The following P2RY14 variants were observed in gnomAD, a reference collection of about 807,000 sequenced individuals.
P2RY14 encodes the protein P2Y purinoceptor 14.
Under a neutral mutation model 0.9 loss-of-function variants are expected in P2RY14, and 2 were observed. That is an observed-to-expected ratio of 2.16 (90% CI 0.88 to 6.79). The LOEUF (loss-of-function observed/expected upper bound fraction) is 6.79. P2RY14 is among the 30% of genes most tolerant of loss of function. The pLI, the probability that P2RY14 is intolerant of heterozygous loss-of-function variation, is 0.05. For missense variants in P2RY14, 378 were observed against 400.1 expected (o/e 0.94, Z 0.47); for synonymous variants, 158 against 147.2 (o/e 1.07, Z -0.53).
intron 1 of P2RY14, among the ~76,000 whole-genome samples, chr3:151,250,595 G>A (rs559696967): frequency 2.6e-5 from 4 of 152,278 alleles, no homozygotes; most frequent in Non-Finnish European, 5.9e-5. Flanking sequence ...TTTGTAGCAT[G>A]TGACAATTCA....
chr3:151,247,445 A>C (rs1388889350), intron 1 of P2RY14, among the ~76,000 whole-genome samples: 1 of 151,956 alleles, frequency 6.6e-6, no homozygotes, highest in Middle Eastern at 3.2e-3. Flanking sequence ...AAAAATGATG[A>C]GTTCATGTCC....
chr3:151,216,707 G>T (rs774268030), intron 2 of P2RY14, among the ~76,000 whole-genome samples: 2 of 152,000 alleles, frequency 1.3e-5, no homozygotes, highest in Non-Finnish European at 2.9e-5. Context: ...GGGCATGATG[G>T]GTTTGTACTC....
At chr3:151,232,858 A>T (rs931128680) in intron 1 of P2RY14, among the ~76,000 whole-genome samples, 6 of 152,226 alleles carry the variant, frequency 3.9e-5, no homozygotes, top group African/African-American at 1.4e-4. Flanking sequence ...TGACAAAAAA[A>T]TCTGCAACAA....
At chr3:151,220,446 A>G (rs541446549) in intron 1 of P2RY14, among the ~76,000 whole-genome samples, 158 of 152,210 alleles carry the variant, frequency 1.0e-3, no homozygotes, top group Non-Finnish European at 1.8e-3. Flanking sequence ...AGATTCCATT[A>G]TGTCTGGAGT....
chr3:151,251,751 C>T (rs1484816706), intron 1 of P2RY14, among the ~76,000 whole-genome samples: 1 of 152,170 alleles, frequency 6.6e-6, no homozygotes, highest in East Asian at 1.9e-4. Flanking sequence ...GAACAGCTCT[C>T]TGGAATAATT....
intron 1 of P2RY14, chr3:151,269,441 A>ACACACAC (rs1559962861): frequency 7.2e-4 from 166 of 231,050 alleles, no homozygotes; most frequent in Non-Finnish European, 9.0e-4. Context: ...ACACACACAC[A>ACACACAC]AAATTCAGAG....
At chr3:151,273,748 A>AT (rs1741400645) in intron 1 of P2RY14, among the ~76,000 whole-genome samples, 1 of 152,204 alleles carries the variant, frequency 6.6e-6, no homozygotes, top group African/African-American at 2.4e-5. Context: ...ACTACTTGGC[A>AT]TTGTACACAT....
chr3:151,266,916 A>C (rs1446447867), intron 1 of P2RY14, among the ~76,000 whole-genome samples: 2 of 152,212 alleles, frequency 1.3e-5, no homozygotes, highest in African/African-American at 4.8e-5. Flanking sequence ...CCCCACCTTC[A>C]CATGAAGTCA....
In P2RY14 at chr3:151,250,177, C is replaced by G. The variant is rs539677139; in HGVS notation, c.-133+28110G>C. On this transcript the variant is annotated intron_variant, in intron 1 of 2. Coordinates refer to ENST00000309170, the MANE Select transcript of P2RY14 (RefSeq NM_014879.4). ...TCCACTCTGCCTTCTGTCCTCAGCA[C>G]TTATCTAGAACTGCCAAAGACCTCC... Among the ~76,000 whole-genome samples the G allele has an allele frequency of 2.0e-5, 3 of 152,302 alleles. No individual in the cohort carries two copies. The South Asian group carries it at 6.2e-4, about 32-fold the overall frequency.
At chr3:151,239,227 C>T (rs1299505815) in intron 1 of P2RY14, among the ~76,000 whole-genome samples, 1 of 152,152 alleles carries the variant, frequency 6.6e-6, no homozygotes, top group East Asian at 1.9e-4. Flanking sequence ...AAGTAAAACA[C>T]ATAGACTTAA....
intron 1 of P2RY14, among the ~76,000 whole-genome samples, chr3:151,269,052 TG>T (rs1345015981): frequency 6.6e-5 from 10 of 152,268 alleles, no homozygotes; most frequent in Non-Finnish European, 1.0e-4. Flanking sequence ...TTGGCCTCTC[TG>T]GGCTTGCTGA....
intron 1 of P2RY14, among the ~76,000 whole-genome samples, chr3:151,231,372 A>G (rs949700981): frequency 6.6e-6 from 1 of 152,230 alleles, no homozygotes; most frequent in Non-Finnish European, 1.5e-5. Flanking sequence ...ATTTAGAGTA[A>G]TAAAAAGTAT....
At chr3:151,265,255 A>T (rs1293078299) in intron 1 of P2RY14, among the ~76,000 whole-genome samples, 1 of 152,242 alleles carries the variant, frequency 6.6e-6, no homozygotes, top group Non-Finnish European at 1.5e-5. Context: ...CTCTATTCTG[A>T]GACTTTAAAT....
At chr3:151,258,509 C>CATTGTTTTTTTGAATG in intron 1 of P2RY14, among the ~76,000 whole-genome samples, 1 of 152,282 alleles carries the variant, frequency 6.6e-6, no homozygotes, top group Non-Finnish European at 1.5e-5. Flanking sequence ...TGAGAATTTT[C>CATTGTTTTTTTGAATG]ACATTCTTAG....
At chr3:151,249,184 G>A (rs1482816495) in intron 1 of P2RY14, 2 of 152,166 alleles carry the variant, frequency 1.3e-5, no homozygotes, top group African/African-American at 2.4e-5. Flanking sequence ...ATAGTAAATA[G>A]TATGAAACCA....
At chr3:151,273,560 A>G (rs545298628) in intron 1 of P2RY14, among the ~76,000 whole-genome samples, 6 of 151,920 alleles carry the variant, frequency 3.9e-5, no homozygotes, top group African/African-American at 1.5e-4. Flanking sequence ...TCTTATGCCA[A>G]TTACTGTTCT....
At chr3:151,216,511 C>G (rs1728256180) in intron 2 of P2RY14, among the ~76,000 whole-genome samples, 1 of 152,190 alleles carries the variant, frequency 6.6e-6, no homozygotes, top group Non-Finnish European at 1.5e-5. Context: ...TATCTTGTTT[C>G]TGCGTATTTT....
intron 1 of P2RY14, among the ~76,000 whole-genome samples, chr3:151,275,410 T>A (rs1454587332): frequency 6.6e-6 from 1 of 152,156 alleles, no homozygotes; most frequent in Non-Finnish European, 1.5e-5. Context: ...TCTAAGGCCT[T>A]TGATGCTTTT....
intron 1 of P2RY14, among the ~76,000 whole-genome samples, chr3:151,230,829 A>G (rs971714498): frequency 6.6e-6 from 1 of 152,316 alleles, no homozygotes; most frequent in East Asian, 1.9e-4. Flanking sequence ...ATGCAGAAGT[A>G]GTGACTTCCC....
Sources: gnomAD v4.1 joint callset for allele counts (sites outside exome capture counted in the v4.1 genomes callset) on GRCh38, gnomAD v4.1.1 for gene constraint, MANE v1.5 for transcripts, NCBI Gene and HGNC (gene_info 2026-07-23, HGNC 2026-07-21) for gene names.